LUC7L2: variants seen among roughly 807,000 people sequenced by gnomAD.
LUC7L2 encodes LUC7 like 2, pre-mRNA splicing factor, also known as putative RNA-binding protein Luc7-like 2.
In LUC7L2, 25 loss-of-function variants were observed where a neutral mutation model predicts 52.8. The observed-to-expected ratio is 0.47, with a 90% CI of 0.34 to 0.66. The LOEUF (loss-of-function observed/expected upper bound fraction) is 0.66, where lower values mean the gene tolerates loss of function less well. Ranked by LOEUF, LUC7L2 falls within the 30% of genes least tolerant of loss-of-function variation. The probability of loss-of-function intolerance (pLI) is 0.01; values close to 1 mark genes in which losing one functional copy is unlikely to be tolerated. For missense variants in LUC7L2, 328 were observed against 497.8 expected, an observed-to-expected ratio of 0.66 and a Z score of 3.25; for synonymous variants, 144 against 160.9, an observed-to-expected ratio of 0.89 and a Z score of 0.80.
rs572944346 is a variant in LUC7L2, at chr7:139,350,330, C to T, written c.-26+9813C>T. ...TAGAGACGGGGTTTCACCGTGTTAG[C>T]CAGGATGGTCTCCATCTCCTGACCT... On this transcript the variant is annotated intron_variant, in intron 1 of 10. Coordinates refer to the LUC7L2 transcript ENST00000541170. Among the ~76,000 whole-genome samples, 3 of 152,236 alleles carry T rather than the reference C, an allele frequency of 2.0e-5. No homozygotes were observed. In the East Asian group the frequency reaches 5.8e-4, roughly 29 times the overall value.
At chr7:139,345,594 G>A in intron 1 of LUC7L2, 1 of 1,614,058 alleles carries the variant, frequency 6.2e-7, no homozygotes, top group Non-Finnish European at 8.5e-7. Context: ...GAAACATGTG[G>A]CCCTACATCA....
intron 2 of LUC7L2, among the ~76,000 whole-genome samples, chr7:139,389,785 T>C (rs915227799): frequency 5.3e-5 from 8 of 152,212 alleles, no homozygotes; most frequent in Admixed American, 3.9e-4. Context: ...CAAGAAAGAC[T>C]ATGTTCCTCC....
intron 8 of LUC7L2, among the ~76,000 whole-genome samples, chr7:139,415,054 G>GTTGTTTTTTT (rs1795526800): frequency 1.8e-5 from 1 of 54,192 alleles, no homozygotes; most frequent in Non-Finnish European, 3.1e-5. Flanking sequence ...GCCCTGCTAA[G>GTTGTTTTTTT]TTTTTTTTTT....
rs1036927023 is a variant in LUC7L2, at chr7:139,395,264, T to C, written c.157-3335T>C. 2.0e-5 allele frequency among the ~76,000 whole-genome samples: 3 copies of C among 152,372 alleles called. No homozygotes were observed. In the South Asian group the frequency reaches 6.2e-4, roughly 32 times the overall value. ...CCATTAGCTTCTTTCATTCCTGTTATATTTTCTGGAATTCTTTCTTAGGAA... is the reference window on the plus strand; with the variant it reads ...CCATTAGCTTCTTTCATTCCTGTTACATTTTCTGGAATTCTTTCTTAGGAA... On this transcript the variant is annotated intron_variant, in intron 2 of 9. Coordinates refer to ENST00000354926, the MANE Select transcript of LUC7L2 (RefSeq NM_016019.5).
upstream of LUC7L2, among the ~76,000 whole-genome samples, chr7:139,358,501 T>A (rs536025948): frequency 6.6e-6 from 1 of 152,230 alleles, no homozygotes; most frequent in African/African-American, 2.4e-5. Flanking sequence ...TCTTACAGTT[T>A]TAAATTTCTT....
At chr7:139,371,831 G>A (rs1800468624) in intron 1 of LUC7L2, among the ~76,000 whole-genome samples, 1 of 152,144 alleles carries the variant, frequency 6.6e-6, no homozygotes, top group African/African-American at 2.4e-5. Context: ...TTCCCTGGTG[G>A]AACTGACTGC....
chr7:139,393,767 T>A (rs1458132406), intron 2 of LUC7L2, among the ~76,000 whole-genome samples: 1 of 152,160 alleles, frequency 6.6e-6, no homozygotes, highest in African/African-American at 2.4e-5. Flanking sequence ...TTTAAGTACT[T>A]CTCATGTGCA....
chr7:139,356,501 G>T (rs1186168878), upstream of LUC7L2, among the ~76,000 whole-genome samples: 1 of 151,710 alleles, frequency 6.6e-6, no homozygotes, highest in Non-Finnish European at 1.5e-5. Flanking sequence ...TCATAGTCAG[G>T]CTGGGCACAG....
intron 1 of LUC7L2, among the ~76,000 whole-genome samples, chr7:139,366,388 A>G (rs1307086345): frequency 2.0e-5 from 3 of 152,156 alleles, no homozygotes; most frequent in African/African-American, 7.2e-5. Flanking sequence ...GTTAACTGAT[A>G]ATTATTGGAT....
At chr7:139,364,849 T>C (rs1800072228) in intron 1 of LUC7L2, among the ~76,000 whole-genome samples, 1 of 152,264 alleles carries the variant, frequency 6.6e-6, no homozygotes, top group South Asian at 2.1e-4. Context: ...AAACATTTTC[T>C]CTTAATTTTT....
In LUC7L2 at chr7:139,398,634, C is replaced by T. The variant is rs528492867; in HGVS notation, c.192C>T (p.Asp64=). 1 of 1,612,442 alleles carries T rather than the reference C, an allele frequency of 6.2e-7. No individual in the cohort carries two copies. Among genetic ancestry groups the T allele is most frequent in the African/African-American group, 1.3e-5 (1 of 74,872 alleles). ...TTGGAGAATGTCTGAAAGTCCATGA[C>T]CTGGCTTTAAGAGCGGATTATGAAA... is the stretch of plus-strand genomic sequence containing the variant. ...MDLGECLKVH[D]LALRADYEIA... The change falls in exon 3 of 10, where the codon GAC becomes GAT. Residue 64 remains aspartate, a synonymous_variant. Transcript: ENST00000354926.
At chr7:139,373,058 AT>A (rs374409949) in intron 1 of LUC7L2, among the ~76,000 whole-genome samples, 33 of 152,322 alleles carry the variant, frequency 2.2e-4, no homozygotes, top group Non-Finnish European at 3.8e-4. Flanking sequence ...TTATAAGGTG[AT>A]TTGGTTCCTA....
chr7:139,415,069 T>TTTG (rs1795532458), intron 8 of LUC7L2, among the ~76,000 whole-genome samples: 1 of 145,504 alleles, frequency 6.9e-6, no homozygotes, highest in African/African-American at 2.5e-5. Context: ...TTTTTTTTTT[T>TTTG]TTTTTTTTTT....
At chr7:139,371,794 G>A (rs962247539) in intron 1 of LUC7L2, among the ~76,000 whole-genome samples, 2 of 152,130 alleles carry the variant, frequency 1.3e-5, no homozygotes, top group Admixed American at 6.5e-5. Context: ...TAGAGAGGAG[G>A]CCTCTTTTTA....
In LUC7L2 at chr7:139,360,193, C is replaced by T. The variant is rs1799789679; in HGVS notation, c.-69C>T. ...AGCGCACCTTCCCCCATCCCTTCCC[C>T]TTATCCCCCAGCCCAAAAGGGCCCG... On this transcript the variant is annotated 5_prime_UTR_variant, in exon 1 of 10. Coordinates refer to ENST00000354926, the MANE Select transcript of LUC7L2 (RefSeq NM_016019.5). 7.8e-7 allele frequency: 1 copy of T among 1,284,070 alleles called. No homozygotes were observed. 79.5% of individuals were successfully genotyped at this position (1,284,070 alleles called of 1,614,324 possible).
rs1569386220 is a variant in LUC7L2 at position 139,398,570 on chromosome 7, T to C, written c.157-29T>C. 4 of 1,567,376 alleles carry C rather than the reference T, an allele frequency of 2.6e-6. No homozygotes were observed. The South Asian group carries it at 4.8e-5, about 19-fold the overall frequency. On this transcript the variant is annotated intron_variant, in intron 2 of 9. Coordinates refer to ENST00000354926, the MANE Select transcript of LUC7L2 (RefSeq NM_016019.5). ...CATTTTTTAAAAAACTTTTTTTTGTTTTAATATTATGTCTTTTTTCCCTTC... is the reference window on the plus strand; with the variant it reads ...CATTTTTTAAAAAACTTTTTTTTGTCTTAATATTATGTCTTTTTTCCCTTC...
In LUC7L2 at chr7:139,423,429, C is replaced by T. The variant is rs1795978719; in HGVS notation, c.*1089C>T. The T allele has an allele frequency of 7.5e-6, 3 of 398,672 alleles. No homozygotes were observed. Among genetic ancestry groups the T allele is most frequent in the East Asian group, 7.1e-5 (2 of 28,088 alleles). 24.7% of individuals were successfully genotyped at this position (398,672 alleles called of 1,614,324 possible). On this transcript the variant is annotated 3_prime_UTR_variant, in exon 10 of 10. Transcript: ENST00000354926. ...TGTTTTTATTCTCATTCAACAAACC[C>T]AAATAAAAACAGTATATGTAACCAA...
intron 1 of LUC7L2, chr7:139,340,705 A>G (rs1585051359): frequency 2.6e-6 from 1 of 391,080 alleles, no homozygotes; most frequent in Non-Finnish European, 4.5e-6. Flanking sequence ...CAGAAGCCCC[A>G]GTGGCCTAAT....
chr7:139,366,751 G>A (rs1800177601), intron 1 of LUC7L2, among the ~76,000 whole-genome samples: 2 of 152,148 alleles, frequency 1.3e-5, no homozygotes, highest in African/African-American at 4.8e-5. Flanking sequence ...ACCAAGTGTG[G>A]TCCTTGGAGC....
Sources: gnomAD v4.1 joint callset for allele counts (sites outside exome capture counted in the v4.1 genomes callset) on GRCh38, gnomAD v4.1.1 for gene constraint, MANE v1.5 for transcripts, NCBI Gene and HGNC (gene_info 2026-07-23, HGNC 2026-07-21) for gene names.